Variants in SUMO3 observed in about 807,000 individuals in gnomAD.
SUMO3 encodes small ubiquitin like modifier 3.
A neutral mutation model predicts 11.1 loss-of-function variants in SUMO3; 2 were observed. The observed-to-expected ratio is 0.18, with a 90% CI of 0.07 to 0.57. The LOEUF is 0.57. SUMO3 is among the 20% of genes least tolerant of loss of function. The pLI is 0.92. For synonymous variants in SUMO3, 56 were observed against 53.5 expected, an observed-to-expected ratio of 1.05 and a Z score of -0.20; for missense variants, 70 against 132.8, an observed-to-expected ratio of 0.53 and a Z score of 2.32.
intron 3 of SUMO3, chr21:44,808,370 G>A (rs146952863): frequency 0.01 from 5,551 of 547,232 alleles, 60 homozygotes; most frequent in Non-Finnish European, 0.014. Flanking sequence ...AAAATTAGCC[G>A]GGAGTGGTGG....
intron 1 of SUMO3, 98 bp from the exon 2 acceptor site, chr21:44,814,202 A>T: frequency 6.7e-7 from 1 of 1,484,590 alleles, no homozygotes; most frequent in Non-Finnish European, 9.1e-7. Flanking sequence ...TTTTAAAGTC[A>T]TCAAAACCAA....
In SUMO3 at chr21:44,813,966, G is replaced by C. The variant is rs371905158; in HGVS notation, c.150+10C>G. On this transcript the variant is annotated intron_variant, in intron 2 of 3. Coordinates refer to ENST00000332859, the MANE Select transcript of SUMO3 (RefSeq NM_006936.3). ...ACGGGGAGGCTCTGCGGGGGAGCAA[G>C]GTGCCGCACCTGCCTCTCGCAGTAG... is the stretch of plus-strand genomic sequence containing the variant. The C allele has an allele frequency of 1.2e-4, 191 of 1,609,438 alleles. No homozygotes were observed. In the African/African-American group the frequency reaches 2.3e-3, roughly 19 times the overall value.
Position 44,811,168 on chromosome 21 carries a change from CCA to C in SUMO3, c.151-2052_151-2051del, listed in dbSNP as rs2083210518. ...CACACATACACACACAGGCACACAC[CCA>C]CACATACACACACATGCACAAAGAC... On this transcript the variant is annotated intron_variant, in intron 2 of 3. Coordinates refer to ENST00000332859, the MANE Select transcript of SUMO3 (RefSeq NM_006936.3). The surrounding 1 kb of genome is among the most constrained non-coding windows in gnomAD (Gnocchi z 5.0). Among the ~76,000 whole-genome samples the C allele has an allele frequency of 6.6e-6, 1 of 151,142 alleles. No individual in the cohort carries two copies. Among genetic ancestry groups the C allele is most frequent in the Non-Finnish European group, 1.5e-5 (1 of 67,708 alleles).
At position 44,812,808 on chromosome 21, in the gene SUMO3, G is replaced by C. The variant is rs138575148; in HGVS notation, c.150+1168C>G. On this transcript the variant is annotated intron_variant, in intron 2 of 3. Transcript: ENST00000332859. The stretch of plus-strand genomic sequence containing the variant: ...CACACGCCTGCCATCCCGCAGCGCA[G>C]AGGAGAACATGGGCACCCGGGAAGT... Among the ~76,000 whole-genome samples the C allele has an allele frequency of 4.0e-3, 617 of 152,364 alleles. 4 individuals are homozygous for C. Among genetic ancestry groups the C allele is most frequent in the African/African-American group, 0.013 (530 of 41,578 alleles).
rs1053475326 is a variant in SUMO3 at position 44,807,578 on chromosome 21, T to C, written c.223-538A>G. On this transcript the variant is annotated intron_variant, in intron 3 of 3. Coordinates refer to ENST00000332859, the MANE Select transcript of SUMO3 (RefSeq NM_006936.3). The surrounding 1 kb of genome is among the most constrained non-coding windows in gnomAD (Gnocchi z 4.3). ...AAGGTAGTGAAACACCCCCGCTCAC[T>C]TCTCTCCTCCTGACACAGTGGGCGC... Among the ~76,000 whole-genome samples the C allele has an allele frequency of 3.3e-5, 5 of 151,624 alleles. No homozygotes were observed. The highest frequency in any genetic ancestry group is 1.2e-4 in the African/African-American group (5 of 41,244).
At chr21:44,816,999 G>A (rs545645875) in intron 1 of SUMO3, among the ~76,000 whole-genome samples, 12 of 133,610 alleles carry the variant, frequency 9.0e-5, no homozygotes, top group Admixed American at 6.6e-4. Context: ...GATAGGGGTG[G>A]GCGCACACTG....
At chr21:44,817,680 C>A (rs1044473597) in intron 1 of SUMO3, among the ~76,000 whole-genome samples, 2 of 150,692 alleles carry the variant, frequency 1.3e-5, no homozygotes, top group Non-Finnish European at 3.0e-5. Context: ...AGGCGCTGGG[C>A]GCGCGCCTTC....
chr21:44,809,206 G>A, intron 2 of SUMO3, 88 bp from the exon 3 acceptor site: 1 of 1,327,332 alleles, frequency 7.5e-7, no homozygotes, highest in East Asian at 2.3e-5. Context: ...ACAAGCCCTG[G>A]AGAGGAAAAG....
chr21:44,806,602 G>A lies in SUMO3; in HGVS notation c.*349C>T, dbSNP rs2083178450. 1 of 305,836 alleles carries A rather than the reference G, an allele frequency of 3.3e-6. No individual in the cohort carries two copies. 18.9% of individuals were successfully genotyped at this position (305,836 alleles called of 1,614,324 possible). A position where few individuals can be genotyped will look rare whatever the true frequency, so the allele number is the denominator to read the frequency against. On this transcript the variant is annotated 3_prime_UTR_variant, in exon 4 of 4. Transcript: ENST00000332859. ...GAGCAGGGGAGAGGCAACCAACTCA[G>A]GAGTCAGATCCCTGGCCAGACTAAA...
At chr21:44,815,514 C>T (rs927157766) in intron 1 of SUMO3, among the ~76,000 whole-genome samples, 3 of 152,184 alleles carry the variant, frequency 2.0e-5, no homozygotes, top group Non-Finnish European at 2.9e-5. Context: ...CTCCCCATCC[C>T]GAATGTGGCC....
rs1395211520 is a variant in SUMO3, at chr21:44,817,609, ATCCGAGGGCG to A, written c.21+329_21+338del. 1.9e-4 allele frequency among the ~76,000 whole-genome samples: 29 copies of A among 151,512 alleles called. No individual in the cohort carries two copies. The East Asian group carries it at 5.6e-3, about 29-fold the overall frequency. On this transcript the variant is annotated intron_variant, in intron 1 of 3. Transcript: ENST00000332859. ...GCTTCGGGGACACTGCTGGGGCGGGATCCGAGGGCGCCGCGCTCTGCAGGAGCAGCAGCGC... is the reference window on the plus strand; with the variant it reads ...GCTTCGGGGACACTGCTGGGGCGGGACCGCGCTCTGCAGGAGCAGCAGCGC...
At chr21:44,808,578 G>A (rs1204818155) in intron 3 of SUMO3, 10 of 1,382,062 alleles carry the variant, frequency 7.2e-6, no homozygotes, top group South Asian at 3.6e-5. Context: ...CCTGCAACGT[G>A]ATAGATGAAA....
chr21:44,806,954 G>A lies in SUMO3; in HGVS notation c.309C>T (p.Phe103=). 5 of 1,614,066 alleles carry A rather than the reference G, an allele frequency of 3.1e-6. No homozygotes were observed. The South Asian group carries it at 4.4e-5, about 14-fold the overall frequency. The stretch of plus-strand genomic sequence containing the variant: ...GCCCGGGCTGGGGACGGGCCCTCTA[G>A]AAACTGTGCCCTGCCAGGCTGCTCT... The part of the protein sequence containing the change: ...VPESSLAGHS[F] Residue 103 remains phenylalanine (F), a synonymous_variant, in exon 4 of 4, where the codon TTC becomes TTT. Transcript: ENST00000332859.
intron 2 of SUMO3, 81 bp from the exon 3 acceptor site, chr21:44,809,199 A>G: frequency 7.3e-7 from 1 of 1,368,834 alleles, no homozygotes; most frequent in Non-Finnish European, 1.0e-6. Context: ...CTCACTGACA[A>G]GCCCTGGAGA....
rs746082399 is a variant in SUMO3 at position 44,807,420 on chromosome 21, C to T, written c.223-380G>A. Among the ~76,000 whole-genome samples the T allele has an allele frequency of 5.9e-5, 9 of 152,172 alleles. No homozygotes were observed. Among genetic ancestry groups the T allele is most frequent in the Non-Finnish European group, 1.0e-4 (7 of 68,030 alleles). ...TAGCAGCACTGAGTCCTAGGACCCA[C>T]AGGAGCCTTGCGCTTTATACCAAGT... On this transcript the variant is annotated intron_variant, in intron 3 of 3. Transcript: ENST00000332859. This position sits in a 1 kb window ranked among gnomAD's most constrained non-coding sequence, Gnocchi z 4.3.
At chr21:44,816,684 C>G (rs1212754332) in intron 1 of SUMO3, among the ~76,000 whole-genome samples, 4 of 152,124 alleles carry the variant, frequency 2.6e-5, no homozygotes, top group Admixed American at 6.5e-5. Context: ...CAGACCCTCC[C>G]GAGAAGGAAT....
chr21:44,816,436 C>G (rs1336642063), intron 1 of SUMO3, among the ~76,000 whole-genome samples: 1 of 152,100 alleles, frequency 6.6e-6, no homozygotes, highest in African/African-American at 2.4e-5. Context: ...CCATAGAGGC[C>G]GCGACCATGG....
rs1306012309 is a variant in SUMO3, at chr21:44,809,034, G to A, written c.222+13C>T. 7.4e-6 allele frequency: 12 copies of A among 1,612,124 alleles called. No homozygotes were observed. Among genetic ancestry groups the A allele is most frequent in the Non-Finnish European group, 1.0e-5 (12 of 1,178,266 alleles). On this transcript the variant is annotated intron_variant, in intron 3 of 3. Transcript: ENST00000332859. Reference sequence around the variant, plus strand: ...GGAAGTCGCCCTGGAACCACGCGAAGCCAGCTCCGTACCTGTGCTGGAGTG... The same window carrying A: ...GGAAGTCGCCCTGGAACCACGCGAAACCAGCTCCGTACCTGTGCTGGAGTG...
intron 3 of SUMO3, chr21:44,808,478 G>A: frequency 6.9e-7 from 1 of 1,443,018 alleles, no homozygotes; most frequent in South Asian, 1.4e-5. Context: ...CTGCGCCACT[G>A]CATTCTAGCC....
Sources: gnomAD v4.1 joint callset for allele counts (sites outside exome capture counted in the v4.1 genomes callset) on GRCh38, gnomAD v4.1.1 for gene constraint, Gnocchi (gnomAD v3.1) non-coding constraint, MANE v1.5 for transcripts, NCBI Gene and HGNC (gene_info 2026-07-23, HGNC 2026-07-21) for gene names.